Variants in DTNBP1 observed in about 807,000 individuals in gnomAD.
The protein encoded by DTNBP1 is dysbindin.
DTNBP1 carries 35 observed loss-of-function variants against 42.8 expected under a neutral mutation model. The ratio of observed to expected loss-of-function variants is 0.82; its 90% CI spans 0.63 to 1.09. The LOEUF (loss-of-function observed/expected upper bound fraction) is 1.09. DTNBP1 is among the 50% of genes least tolerant of loss of function. The pLI is 0.00. For synonymous variants in DTNBP1, 171 were observed against 162.2 expected, an observed-to-expected ratio of 1.05 and a Z score of -0.41; for missense variants, 457 against 424.2, an observed-to-expected ratio of 1.08 and a Z score of -0.68.
chr6:15,524,365 C>A, intron 9 of DTNBP1, 161 bp downstream of exon 9: 2 of 1,613,528 alleles, frequency 1.2e-6, no homozygotes, highest in Non-Finnish European at 1.7e-6. Context: ...TTGCAGCTGC[C>A]ACACAGCCGT....
chr6:15,661,054 A>C (rs1026365869), intron 1 of DTNBP1, among the ~76,000 whole-genome samples: 3 of 152,250 alleles, frequency 2.0e-5, no homozygotes, highest in African/African-American at 7.2e-5. Flanking sequence ...ATAACTTTCT[A>C]AACACCAAAC....
intron 5 of DTNBP1, among the ~76,000 whole-genome samples, chr6:15,618,808 G>T (rs546490568): frequency 6.6e-6 from 1 of 152,094 alleles, no homozygotes; most frequent in Non-Finnish European, 1.5e-5. Context: ...CACAATAGCC[G>T]AGATATGAAT....
At chr6:15,651,529 A>C in intron 2 of DTNBP1, 166 bp from the exon 3 acceptor site, 4 of 852,158 alleles carry the variant, frequency 4.7e-6, no homozygotes, top group Non-Finnish European at 7.4e-6. Flanking sequence ...GAGTTAATGT[A>C]CTGTATGTAA....
At chr6:15,541,217 C>T (rs753610425) in intron 7 of DTNBP1, among the ~76,000 whole-genome samples, 3 of 152,136 alleles carry the variant, frequency 2.0e-5, no homozygotes, top group Non-Finnish European at 4.4e-5. Flanking sequence ...GACATTTGCC[C>T]TCAGCGACGT....
At chr6:15,564,104 T>C in intron 7 of DTNBP1, among the ~76,000 whole-genome samples, 1 of 148,574 alleles carries the variant, frequency 6.7e-6, no homozygotes, top group Non-Finnish European at 1.5e-5. Flanking sequence ...CCCAAACTCC[T>C]CAGGGAGACC....
intron 7 of DTNBP1, among the ~76,000 whole-genome samples, chr6:15,583,135 C>G (rs945546828): frequency 6.6e-6 from 1 of 152,114 alleles, no homozygotes; most frequent in African/African-American, 2.4e-5. Context: ...TGCATGCCAC[C>G]ATGCCCGGCT....
chr6:15,658,758 C>T (rs191416695), intron 1 of DTNBP1, among the ~76,000 whole-genome samples: 2 of 152,220 alleles, frequency 1.3e-5, no homozygotes, highest in Admixed American at 1.3e-4. Flanking sequence ...CCCCAGAGCT[C>T]AAGCCAATCT....
chr6:15,602,887 C>T (rs1232301702), intron 6 of DTNBP1, among the ~76,000 whole-genome samples: 3 of 152,032 alleles, frequency 2.0e-5, no homozygotes, highest in East Asian at 3.8e-4. Context: ...AAAGAGATAA[C>T]GAAAAGAATT....
chr6:15,578,167 C>G (rs58378663), intron 7 of DTNBP1, among the ~76,000 whole-genome samples: 4,184 of 152,240 alleles, frequency 0.027, 190 homozygotes, highest in African/African-American at 0.088. Flanking sequence ...AGGGACAGTC[C>G]CCACGGTGCC....
Position 15,564,634 on chromosome 6 carries a change from C to G in DTNBP1, c.511+28425G>C, listed in dbSNP as rs990439525. 2.4e-4 allele frequency among the ~76,000 whole-genome samples: 37 copies of G among 152,160 alleles called. 1 individual carries two copies. Among genetic ancestry groups the G allele is most frequent in the Admixed American group, 2.4e-3 (36 of 15,274 alleles). ...TGTTGGCCAGGCTGGTATCGAACTC[C>G]TGACCTCAGGTGATCTTTCCGCCTC... On this transcript the variant is annotated intron_variant, in intron 7 of 9. Transcript: ENST00000344537.
At chr6:15,546,852 T>C (rs1581297769) in intron 7 of DTNBP1, among the ~76,000 whole-genome samples, 1 of 152,272 alleles carries the variant, frequency 6.6e-6, no homozygotes, top group African/African-American at 2.4e-5. Flanking sequence ...CAGTGATATG[T>C]TGACAAAGAT....
At chr6:15,655,448 A>T (rs756121732) in intron 1 of DTNBP1, among the ~76,000 whole-genome samples, 2 of 152,184 alleles carry the variant, frequency 1.3e-5, no homozygotes, top group African/African-American at 2.4e-5. Flanking sequence ...AATAACAAAA[A>T]CAATCTTTTA....
chr6:15,523,662 T>C (rs951024570), intron 9 of DTNBP1: 8 of 1,287,130 alleles, frequency 6.2e-6, no homozygotes, highest in Non-Finnish European at 8.1e-6. Context: ...TGGAACTAAA[T>C]AGGCTCTTCA....
chr6:15,657,122 C>T (rs1279030390), intron 1 of DTNBP1, among the ~76,000 whole-genome samples: 1 of 152,148 alleles, frequency 6.6e-6, no homozygotes, highest in Non-Finnish European at 1.5e-5. Context: ...AAAAGCTGCA[C>T]AGACTCAGGA....
In DTNBP1 at chr6:15,549,385, C is replaced by T. The variant is rs7755452; in HGVS notation, c.512-15990G>A. 2.4e-3 allele frequency among the ~76,000 whole-genome samples: 355 copies of T among 150,760 alleles called. 2 individuals are homozygous for T. The highest frequency in any genetic ancestry group is 7.0e-3 in the African/African-American group (285 of 40,896). Reference sequence around the variant, plus strand: ...CTGTAATCCCAGCTAGTCGGGAGGCCGAGACAGGTGAGTCGCTTGAACCCA... The same window carrying T: ...CTGTAATCCCAGCTAGTCGGGAGGCTGAGACAGGTGAGTCGCTTGAACCCA... On this transcript the variant is annotated intron_variant, in intron 7 of 9. Coordinates refer to ENST00000344537, the MANE Select transcript of DTNBP1 (RefSeq NM_032122.5).
At chr6:15,606,263 G>C (rs1416569875) in intron 6 of DTNBP1, among the ~76,000 whole-genome samples, 1 of 152,134 alleles carries the variant, frequency 6.6e-6, no homozygotes, top group Non-Finnish European at 1.5e-5. Flanking sequence ...TTTTTGTAGG[G>C]GCAGGAATGT....
At chr6:15,573,294 C>A (rs916050454) in intron 7 of DTNBP1, among the ~76,000 whole-genome samples, 2 of 151,766 alleles carry the variant, frequency 1.3e-5, no homozygotes, top group African/African-American at 2.4e-5. Flanking sequence ...ATGATATATA[C>A]TGAAAAAAAC....
intron 9 of DTNBP1, chr6:15,524,134 T>C (rs1772164807): frequency 1.5e-6 from 2 of 1,377,992 alleles, no homozygotes; most frequent in Admixed American, 2.2e-5. Flanking sequence ...GGCACGCCCC[T>C]AAATGCCTGT....
chr6:15,586,196 T>G (rs1484555263), intron 7 of DTNBP1, among the ~76,000 whole-genome samples: 1 of 152,172 alleles, frequency 6.6e-6, no homozygotes, highest in African/African-American at 2.4e-5. Context: ...AAAATATAGT[T>G]CATTTCATAA....
Sources: allele counts gnomAD v4.1 joint callset (sites outside exome capture counted in the v4.1 genomes callset), GRCh38; gene constraint gnomAD v4.1.1; transcripts MANE v1.5; gene names NCBI Gene and HGNC (gene_info 2026-07-23, HGNC 2026-07-21).